Variants in CCDC191 observed in about 807,000 individuals in gnomAD.
CCDC191 encodes coiled-coil domain-containing protein 191.
In CCDC191, 99 loss-of-function variants were observed where a neutral mutation model predicts 114.0. The observed-to-expected ratio is 0.87, with a 90% CI of 0.74 to 1.03. The LOEUF is 1.03. CCDC191 is among the 50% of genes least tolerant of loss of function. The pLI is 0.00. For missense variants in CCDC191, 973 were observed against 1,087.0 expected (o/e 0.90, Z 1.47); for synonymous variants, 351 against 376.0 (o/e 0.93, Z 0.77).
At chr3:114,042,920 TCAATA>T (rs1344179456) in intron 3 of CCDC191, 74 bp from the exon 4 acceptor site, 2 of 1,354,026 alleles carry the variant, frequency 1.5e-6, no homozygotes, top group African/African-American at 3.0e-5. Flanking sequence ...TTTCATTTAT[TCAATA>T]AATATTAATT....
chr3:113,993,722 T>A (rs2107641412), intron 13 of CCDC191, among the ~76,000 whole-genome samples: 1 of 151,802 alleles, frequency 6.6e-6, no homozygotes, highest in South Asian at 2.1e-4. Context: ...ACGTCTCTAC[T>A]AAAAATACAA....
chr3:114,043,079 G>A (rs536933803), intron 3 of CCDC191, among the ~76,000 whole-genome samples: 2 of 152,302 alleles, frequency 1.3e-5, no homozygotes, highest in South Asian at 4.1e-4. Flanking sequence ...GCAGGGACAG[G>A]AAGACATGGA....
chr3:113,978,461 G>C, intron 15 of CCDC191, 130 bp from the exon 16 acceptor site: 1 of 928,472 alleles, frequency 1.1e-6, no homozygotes, highest in South Asian at 1.8e-5. Context: ...ACAAAGAAAA[G>C]GATAACCTGG....
chr3:113,991,247 AAAAC>A lies in CCDC191; in HGVS notation c.2163+10344_2163+10347del, dbSNP rs747395728. On this transcript the variant is annotated intron_variant, in intron 13 of 16. Coordinates refer to ENST00000295878, the MANE Select transcript of CCDC191 (RefSeq NM_020817.2). The stretch of plus-strand genomic sequence containing the variant: ...TGAGACTCCAAAAAAAAAAAAAAGA[AAAAC>A]AAACAAACCCCCCCCCCCAAAAACC... Among the ~76,000 whole-genome samples the A allele has an allele frequency of 5.6e-3, 831 of 148,258 alleles. 6 individuals carry two copies. The highest frequency in any genetic ancestry group is 9.8e-3 in the Non-Finnish European group (652 of 66,792).
At chr3:114,014,408 A>T (rs2076124239) in intron 8 of CCDC191, among the ~76,000 whole-genome samples, 1 of 152,182 alleles carries the variant, frequency 6.6e-6, no homozygotes, top group African/African-American at 2.4e-5. Context: ...TACCCACGTG[A>T]GCAGAGGGAA....
At chr3:113,995,019 T>C (rs1418385360) in intron 13 of CCDC191, among the ~76,000 whole-genome samples, 1 of 152,242 alleles carries the variant, frequency 6.6e-6, no homozygotes, top group Non-Finnish European at 1.5e-5. Context: ...GGAATACTAT[T>C]TGATGATAAA....
chr3:114,018,532 A>C, intron 8 of CCDC191, 146 bp downstream of exon 8: 2 of 666,568 alleles, frequency 3.0e-6, no homozygotes, highest in Non-Finnish European at 4.8e-6. Context: ...CTAGTTTGAG[A>C]TGTAACATAG....
At chr3:113,967,079 A>G (rs1043962601) in intron 16 of CCDC191, among the ~76,000 whole-genome samples, 8 of 151,534 alleles carry the variant, frequency 5.3e-5, no homozygotes, top group Admixed American at 2.0e-4. Flanking sequence ...AGCCTGGGTA[A>G]CAGAGTGAGA....
intron 7 of CCDC191, among the ~76,000 whole-genome samples, chr3:114,027,717 C>T (rs1308014877): frequency 6.6e-6 from 1 of 152,082 alleles, no homozygotes; most frequent in East Asian, 1.9e-4. Context: ...TAAAGTCTTC[C>T]TGCAAATACT....
chr3:114,031,966 AT>A (rs1328011649), intron 6 of CCDC191, among the ~76,000 whole-genome samples, 187 bp from the exon 7 acceptor site: 1 of 152,176 alleles, frequency 6.6e-6, no homozygotes, highest in Non-Finnish European at 1.5e-5. Context: ...TAAAATACAG[AT>A]TAAATGAAAT....
intron 7 of CCDC191, among the ~76,000 whole-genome samples, chr3:114,026,396 T>C (rs1013113039): frequency 4.6e-5 from 7 of 152,242 alleles, no homozygotes; most frequent in African/African-American, 1.7e-4. Flanking sequence ...ATACCACACA[T>C]TGCCCTTGGC....
intron 4 of CCDC191, among the ~76,000 whole-genome samples, chr3:114,042,267 T>A (rs1156913439): frequency 6.6e-6 from 1 of 151,954 alleles, no homozygotes; most frequent in Admixed American, 6.6e-5. Context: ...TTGAAAAAAA[T>A]TAAAAATAAC....
At chr3:114,003,163 T>C (rs2075885923) in intron 11 of CCDC191, 4 of 985,400 alleles carry the variant, frequency 4.1e-6, no homozygotes, top group Non-Finnish European at 4.8e-6. Flanking sequence ...CTTGACAGGC[T>C]ATTAAATATC....
chr3:114,046,484 G>A (rs759738314), intron 3 of CCDC191, 107 bp downstream of exon 3: 1 of 752,776 alleles, frequency 1.3e-6, no homozygotes, highest in Non-Finnish European at 2.3e-6. Flanking sequence ...AGAAAGAAAG[G>A]GAAATTAAGA....
intron 7 of CCDC191, among the ~76,000 whole-genome samples, chr3:114,028,275 A>ATTTTT (rs920211150): frequency 3.4e-4 from 43 of 126,862 alleles, no homozygotes; most frequent in African/African-American, 4.4e-4. Context: ...AATTCTAAAA[A>ATTTTT]TTTTTTTTTT....
intron 16 of CCDC191, among the ~76,000 whole-genome samples, chr3:113,967,127 A>C (rs1940266265): frequency 6.6e-6 from 1 of 151,894 alleles, no homozygotes; most frequent in Non-Finnish European, 1.5e-5. Flanking sequence ...AAAAAAGAAA[A>C]AGGCTCCAAG....
intron 13 of CCDC191, among the ~76,000 whole-genome samples, chr3:113,983,137 C>T (rs2075228118): frequency 6.6e-6 from 1 of 152,166 alleles, no homozygotes; most frequent in South Asian, 2.1e-4. Flanking sequence ...TTTAATTGAA[C>T]TCGGTAGCAT....
At chr3:113,977,770 G>A (rs971718874) in intron 16 of CCDC191, among the ~76,000 whole-genome samples, 1 of 152,194 alleles carries the variant, frequency 6.6e-6, no homozygotes, top group Non-Finnish European at 1.5e-5. Context: ...ACAGTCATTC[G>A]TTAAGCTGTA....
chr3:114,049,663 A>T (rs2076675821), intron 2 of CCDC191, among the ~76,000 whole-genome samples: 1 of 152,202 alleles, frequency 6.6e-6, no homozygotes, highest in South Asian at 2.1e-4. Context: ...CAAGGAAATA[A>T]AGACAAATGT....
Sources: allele counts gnomAD v4.1 joint callset (sites outside exome capture counted in the v4.1 genomes callset), GRCh38; gene constraint gnomAD v4.1.1; transcripts MANE v1.5; gene names NCBI Gene and HGNC (gene_info 2026-07-23, HGNC 2026-07-21).